The following MGAT5 variants were observed in gnomAD, a reference collection of about 807,000 sequenced individuals.
MGAT5 encodes the protein alpha-1,6-mannosylglycoprotein 6-beta-N-acetylglucosaminyltransferase, also known as alpha-1,6-mannosylglycoprotein 6-beta-N-acetylglucosaminyltransferase A.
MGAT5 carries 30 observed loss-of-function variants against 94.3 expected under a neutral mutation model. The observed-to-expected ratio is 0.32, with a 90% CI of 0.24 to 0.43. The LOEUF (loss-of-function observed/expected upper bound fraction) is 0.43, where lower values mean the gene tolerates loss of function less well. Ranked by LOEUF, MGAT5 falls within the 20% of genes least tolerant of loss-of-function variation. The pLI is 1.00. For synonymous variants in MGAT5, 310 were observed against 322.9 expected (o/e 0.96, Z 0.43); for missense variants, 691 against 905.5 (o/e 0.76, Z 3.04).
chr2:134,320,634 G>A (rs1687259157), intron 4 of MGAT5, among the ~76,000 whole-genome samples: 1 of 152,110 alleles, frequency 6.6e-6, no homozygotes, highest in Admixed American at 6.6e-5. Context: ...GTTTGCTGTT[G>A]CTGTTGTTAT....
chr2:134,246,596 A>G (rs1682279755), intron 1 of MGAT5, among the ~76,000 whole-genome samples: 1 of 152,102 alleles, frequency 6.6e-6, no homozygotes, highest in African/African-American at 2.4e-5. Flanking sequence ...TGTTGATTCA[A>G]CCCTTGAGGT....
chr2:134,176,229 G>C (rs954940277), intron 1 of MGAT5, among the ~76,000 whole-genome samples: 2 of 152,074 alleles, frequency 1.3e-5, no homozygotes, highest in African/African-American at 4.8e-5. Context: ...TGGAGGCCTT[G>C]GGAATTGGCT....
At chr2:134,121,552 G>A (rs1685591788) in intron 1 of MGAT5, among the ~76,000 whole-genome samples, 1 of 152,178 alleles carries the variant, frequency 6.6e-6, no homozygotes, top group African/African-American at 2.4e-5. Flanking sequence ...TATAGGGCCC[G>A]GCCCTCCTGG....
At chr2:134,190,969 TTA>T (rs1689342914) in intron 1 of MGAT5, among the ~76,000 whole-genome samples, 1 of 151,888 alleles carries the variant, frequency 6.6e-6, no homozygotes, top group African/African-American at 2.4e-5. Context: ...AAAAATTTTT[TTA>T]GAGACAGAAT....
intron 1 of MGAT5, among the ~76,000 whole-genome samples, chr2:134,261,945 G>A (rs6757621): frequency 0.21 from 32,316 of 152,120 alleles, 4,873 homozygotes; most frequent in African/African-American, 0.39. Flanking sequence ...CTGCATCTAA[G>A]AGGCTCCAAG....
At chr2:134,271,845 G>A (rs1684048551) in intron 2 of MGAT5, among the ~76,000 whole-genome samples, 1 of 152,106 alleles carries the variant, frequency 6.6e-6, no homozygotes. Flanking sequence ...GTGTTTAGCT[G>A]CTTTTTAATA....
In MGAT5 at chr2:134,192,967, T is replaced by A. The variant is rs1288537797; in HGVS notation, c.-142-61295T>A. On this transcript the variant is annotated intron_variant, in intron 1 of 16. Transcript: ENST00000409645. ...CTGTAGGGAGTGGAATGATGAATGA[T>A]GTTTAAAAAAATTTTTCTTTGTGGT... is the stretch of plus-strand genomic sequence containing the variant. Among the ~76,000 whole-genome samples, 3 of 152,036 alleles carry A rather than the reference T, an allele frequency of 2.0e-5. No individual in the cohort carries two copies. In the East Asian group the frequency reaches 5.8e-4, roughly 29 times the overall value.
At chr2:134,349,586 G>C (rs1679234783) in intron 8 of MGAT5, among the ~76,000 whole-genome samples, 1 of 152,142 alleles carries the variant, frequency 6.6e-6, no homozygotes, top group African/African-American at 2.4e-5. Flanking sequence ...CCGATCTGAA[G>C]CAAATCGTAT....
intron 2 of MGAT5, among the ~76,000 whole-genome samples, chr2:134,284,106 A>G (rs905094395): frequency 2.0e-5 from 3 of 152,192 alleles, no homozygotes; most frequent in African/African-American, 4.8e-5. Flanking sequence ...TTATAAGTGG[A>G]AAAGATTTAG....
intron 14 of MGAT5, among the ~76,000 whole-genome samples, chr2:134,437,773 G>A (rs1405511110): frequency 1.3e-5 from 2 of 152,176 alleles, no homozygotes; most frequent in Non-Finnish European, 2.9e-5. Context: ...CCCACACTTT[G>A]GGAGGCTGAG....
At chr2:134,355,177 A>T (rs1679654506) in intron 9 of MGAT5, among the ~76,000 whole-genome samples, 1 of 152,210 alleles carries the variant, frequency 6.6e-6, no homozygotes, top group South Asian at 2.1e-4. Context: ...TCAAATTTAT[A>T]AAGAAATGTA....
At chr2:134,135,959 G>A (rs1041442662) in intron 1 of MGAT5, among the ~76,000 whole-genome samples, 14 of 152,272 alleles carry the variant, frequency 9.2e-5, no homozygotes, top group Admixed American at 3.3e-4. Flanking sequence ...AACTGCACAA[G>A]GTTTCAGGGA....
rs116275566 is a variant in MGAT5, at chr2:134,174,829, G to A, written c.-143+54538G>A. On this transcript the variant is annotated intron_variant, in intron 1 of 16. Transcript: ENST00000409645. ...CAGAAATAGGCCTCTTGAGCCGCTT[G>A]ATGGTGACCATGGGCTTTGGCAAGA... Among the ~76,000 whole-genome samples, 5 of 152,368 alleles carry A rather than the reference G, an allele frequency of 3.3e-5. No homozygotes were observed. In the East Asian group the frequency reaches 9.6e-4, roughly 29 times the overall value.
intron 10 of MGAT5, among the ~76,000 whole-genome samples, chr2:134,400,453 A>G (rs985105702): frequency 1.3e-5 from 2 of 152,236 alleles, no homozygotes; most frequent in Non-Finnish European, 2.9e-5. Context: ...AAAGTTAGTA[A>G]GTTCATACAC....
At chr2:134,313,035 TAAACACACACACACACAC>T (rs1686775983) in intron 2 of MGAT5, among the ~76,000 whole-genome samples, 1 of 116,122 alleles carries the variant, frequency 8.6e-6, no homozygotes, top group African/African-American at 3.6e-5. Flanking sequence ...CAGCAAGAAA[TAAACACACACACACACAC>T]ACACACACAC....
intron 4 of MGAT5, among the ~76,000 whole-genome samples, chr2:134,335,367 TG>T (rs1341579820): frequency 6.6e-6 from 1 of 152,208 alleles, no homozygotes; most frequent in Non-Finnish European, 1.5e-5. Flanking sequence ...GTGATAATGC[TG>T]TCTTCAAATT....
At chr2:134,372,657 T>C (rs1680885063) in intron 10 of MGAT5, among the ~76,000 whole-genome samples, 1 of 152,188 alleles carries the variant, frequency 6.6e-6, no homozygotes, top group Admixed American at 6.5e-5. Context: ...TGATGGATGA[T>C]AGAATCTTAG....
chr2:134,331,338 T>C (rs966416805), intron 4 of MGAT5, among the ~76,000 whole-genome samples: 58 of 152,116 alleles, frequency 3.8e-4, no homozygotes, highest in African/African-American at 1.4e-3. Flanking sequence ...CTGGTCTTTG[T>C]TTGTTTTTGT....
chr2:134,337,887 T>C (rs1311844435), intron 5 of MGAT5, among the ~76,000 whole-genome samples: 2 of 152,186 alleles, frequency 1.3e-5, no homozygotes, highest in African/African-American at 2.4e-5. Flanking sequence ...TCAGTTTTCT[T>C]AGAAGTCTGC....
Sources: gnomAD v4.1 joint callset for allele counts (sites outside exome capture counted in the v4.1 genomes callset) on GRCh38, gnomAD v4.1.1 for gene constraint, MANE v1.5 for transcripts, NCBI Gene and HGNC (gene_info 2026-07-23, HGNC 2026-07-21) for gene names.